Variants in SAFB2 observed in about 807,000 individuals in gnomAD.
The protein encoded by SAFB2 is scaffold attachment factor B2.
SAFB2 carries 32 observed loss-of-function variants against 100.6 expected under a neutral mutation model. That is an observed-to-expected ratio of 0.32 (90% confidence interval 0.24 to 0.43). The LOEUF is 0.43. SAFB2 is among the 20% of genes least tolerant of loss of function. The pLI, the probability that SAFB2 is intolerant of heterozygous loss-of-function variation, is 1.00. For missense variants in SAFB2, 1,185 were observed against 1,163.4 expected, an observed-to-expected ratio of 1.02 and a Z score of -0.27; for synonymous variants, 500 against 439.4, an observed-to-expected ratio of 1.14 and a Z score of -1.72.
At chr19:5,591,926 G>C (rs374933843) in intron 16 of SAFB2, 133 bp from the exon 17 acceptor site, 5 of 823,266 alleles carry the variant, frequency 6.1e-6, no homozygotes, top group Admixed American at 4.8e-5. Context: ...GGGAAAAAAG[G>C]AAAAAGCTAG....
intron 2 of SAFB2, among the ~76,000 whole-genome samples, chr19:5,616,902 G>C (rs911569676): frequency 2.6e-5 from 4 of 151,868 alleles, no homozygotes; most frequent in African/African-American, 9.7e-5. Context: ...CACCAGCCTC[G>C]GTCTCCCAAA....
intron 11 of SAFB2, among the ~76,000 whole-genome samples, chr19:5,602,530 G>C (rs796077317): frequency 4.7e-5 from 6 of 128,512 alleles, no homozygotes; most frequent in African/African-American, 1.8e-4. Context: ...ACCCAGTTAA[G>C]AGCCATGGGG....
At chr19:5,612,717 T>A (rs918511878) in intron 5 of SAFB2, 150 bp from the exon 6 acceptor site, 8 of 654,128 alleles carry the variant, frequency 1.2e-5, no homozygotes, top group Non-Finnish European at 1.9e-5. Context: ...CATCCTACAA[T>A]AACCTGATGA....
Position 5,599,456 on chromosome 19 carries a change from G to A in SAFB2, c.1691-572C>T, listed in dbSNP as rs140125624. 8.8e-4 allele frequency among the ~76,000 whole-genome samples: 134 copies of A among 152,294 alleles called. 1 individual carries two copies. The highest frequency in any genetic ancestry group is 1.4e-3 in the Non-Finnish European group (98 of 68,026). On this transcript the variant is annotated intron_variant, in intron 12 of 20. Coordinates refer to ENST00000252542, the MANE Select transcript of SAFB2 (RefSeq NM_014649.3). The stretch of plus-strand genomic sequence containing the variant: ...TACTTGAGGAACATTTTAAAAACAC[G>A]TTCCTCGTGAGACTCAGGGTAAATT...
chr19:5,619,853 A>G (rs1054851295), intron 2 of SAFB2, among the ~76,000 whole-genome samples: 3 of 152,154 alleles, frequency 2.0e-5, no homozygotes, highest in Non-Finnish European at 4.4e-5. Context: ...CGCAAAAAAA[A>G]AAAAAAAATC....
intron 1 of SAFB2, 76 bp downstream of exon 1, chr19:5,622,454 G>A: frequency 2.9e-6 from 4 of 1,394,060 alleles, no homozygotes; most frequent in South Asian, 1.5e-5. Context: ...CCCCGGGTCC[G>A]GGAGCCGCGG....
intron 11 of SAFB2, among the ~76,000 whole-genome samples, chr19:5,602,726 G>C (rs2052689467): frequency 6.6e-6 from 1 of 152,052 alleles, no homozygotes; most frequent in Non-Finnish European, 1.5e-5. Flanking sequence ...CATACTGTTA[G>C]CTAATTATTA....
At chr19:5,611,699 G>C (rs2052910711) in intron 6 of SAFB2, 69 bp from the exon 7 acceptor site, 1 of 381,936 alleles carries the variant, frequency 2.6e-6, no homozygotes, top group African/African-American at 2.3e-5. Flanking sequence ...TCACAAATGT[G>C]GAACTGGCAC....
chr19:5,588,557 C>T (rs1234664941), intron 18 of SAFB2, among the ~76,000 whole-genome samples: 2 of 152,170 alleles, frequency 1.3e-5, no homozygotes, highest in Non-Finnish European at 2.9e-5. Flanking sequence ...TCAGCCCTAA[C>T]TAGGAAGGAA....
intron 4 of SAFB2, among the ~76,000 whole-genome samples, chr19:5,615,165 C>T (rs1318415984): frequency 3.3e-5 from 5 of 152,010 alleles, no homozygotes; most frequent in Non-Finnish European, 7.4e-5. Flanking sequence ...CCATCATGGC[C>T]AACATGGTGA....
rs558923677 is a variant in SAFB2, at chr19:5,607,498, G to A, written c.1296+2497C>T. ...CCCTTGCAGACAGACTGTAAGGGAA[G>A]ATGTGTACTGTAATCCTACAGTAAA... On this transcript the variant is annotated intron_variant, in intron 9 of 20. Coordinates refer to ENST00000252542, the MANE Select transcript of SAFB2 (RefSeq NM_014649.3). Among the ~76,000 whole-genome samples the A allele has an allele frequency of 1.2e-4, 19 of 152,296 alleles. No individual in the cohort carries two copies. The South Asian group carries it at 3.7e-3, about 30-fold the overall frequency.
chr19:5,587,277 G>C lies in SAFB2; in HGVS notation c.2828C>G (p.Pro943Arg), dbSNP rs56708650. 6.2e-7 allele frequency: 1 copy of C among 1,613,334 alleles called. No individual in the cohort carries two copies. Among genetic ancestry groups the C allele is most frequent in the Non-Finnish European group, 8.5e-7 (1 of 1,179,794 alleles). Reference sequence around the variant, plus strand: ...GCGGGTGAAGTGGGGGTACGGGGGGGGATGAGGGTGTGGGTGAGGGACTCT... The same window carrying C: ...GCGGGTGAAGTGGGGGTACGGGGGGCGATGAGGGTGTGGGTGAGGGACTCT... ...GSRVPHPHPH[P>R]PPYPHFTRRY The change falls in exon 21 of 21, where the codon CCC becomes CGC. Residue 943 changes from proline to arginine, a missense_variant. By Grantham distance (103) the Pro-to-Arg change is moderately radical (BLOSUM62 -2). Transcript: ENST00000252542. This position sits in a 1 kb window ranked among gnomAD's most constrained non-coding sequence, Gnocchi z 4.9.
Position 5,604,850 on chromosome 19 carries a change from C to T in SAFB2, c.1383G>A (p.Ala461=), listed in dbSNP as rs1440623483. The change falls in exon 10 of 21, where the codon GCG becomes GCA. Residue 461 remains alanine (A), a synonymous_variant. Transcript: ENST00000252542. ...GFVTMSTSDE[A]TKCISHLHRT... ...TGTGGAGATGGCTGATGCACTTGGTCGCCTCGTCAGATGTCGACATGGTGA... is the reference window on the plus strand; with the variant it reads ...TGTGGAGATGGCTGATGCACTTGGTTGCCTCGTCAGATGTCGACATGGTGA... The T allele has an allele frequency of 2.5e-6, 4 of 1,614,106 alleles. No individual in the cohort carries two copies. The highest frequency in any genetic ancestry group is 1.1e-5 in the South Asian group (1 of 91,064).
At chr19:5,615,288 G>A (rs1372190154) in intron 4 of SAFB2, among the ~76,000 whole-genome samples, 3 of 152,114 alleles carry the variant, frequency 2.0e-5, no homozygotes, top group Admixed American at 6.5e-5. Context: ...CAGGGAGGCG[G>A]AGGTTGCAGT....
Position 5,599,155 on chromosome 19 carries a change from C to T in SAFB2, c.1691-271G>A, listed in dbSNP as rs73920026. ...ACCTGCAGCACGCACACAAGCACGG[C>T]CATCCTGCAGAGCCCTCCGTGACCC... On this transcript the variant is annotated intron_variant, in intron 12 of 20. Transcript: ENST00000252542. Among the ~76,000 whole-genome samples the T allele has an allele frequency of 5.6e-3, 854 of 152,274 alleles. 7 individuals are homozygous for T. Among genetic ancestry groups the T allele is most frequent in the African/African-American group, 0.019 (798 of 41,542 alleles).
At chr19:5,601,486 G>A (rs976095266) in intron 11 of SAFB2, among the ~76,000 whole-genome samples, 5 of 152,098 alleles carry the variant, frequency 3.3e-5, no homozygotes, top group African/African-American at 9.7e-5. Flanking sequence ...CAAGGTAGGC[G>A]GATCACAAGG....
intron 12 of SAFB2, 83 bp downstream of exon 12, chr19:5,600,047 C>A: frequency 7.1e-7 from 1 of 1,416,644 alleles, no homozygotes; most frequent in Non-Finnish European, 9.6e-7. Context: ...CCAGAGCTTG[C>A]TGTCCTCACC....
In SAFB2 at chr19:5,587,642, A is replaced by T; in HGVS notation, c.2705+59T>A. On this transcript the variant is annotated intron_variant, in intron 20 of 20. Transcript: ENST00000252542. The surrounding 1 kb of genome is among the most constrained non-coding windows in gnomAD (Gnocchi z 4.9). The stretch of plus-strand genomic sequence containing the variant: ...AGCCAGCTGATCAAACATGCAAAAA[A>T]GGGAGAGGAAGTGAGGAGCAGGAGT... 1 of 1,491,660 alleles carries T rather than the reference A, an allele frequency of 6.7e-7. No individual in the cohort carries two copies. The highest frequency in any genetic ancestry group is 1.4e-5 in the African/African-American group (1 of 70,570). The allele number at this position is 1,491,660 out of a possible 1,614,324, so 92.4% of individuals were successfully genotyped here. A position where few individuals can be genotyped will look rare whatever the true frequency, so the allele number is the denominator to read the frequency against.
In SAFB2 at chr19:5,587,998, G is replaced by C; in HGVS notation, c.2526-18C>G. 3 of 1,603,690 alleles carry C rather than the reference G, an allele frequency of 1.9e-6. No individual in the cohort carries two copies. The highest frequency in any genetic ancestry group is 2.6e-6 in the Non-Finnish European group (3 of 1,174,858). ...GGCCACCCCTTTGCCAAAAGAAAAA[G>C]ACATGCAGCCATCTAATGAGCCTCC... On this transcript the variant is annotated intron_variant, in intron 18 of 20. Coordinates refer to ENST00000252542, the MANE Select transcript of SAFB2 (RefSeq NM_014649.3). The surrounding 1 kb of genome is among the most constrained non-coding windows in gnomAD (Gnocchi z 4.9).
Sources: allele counts gnomAD v4.1 joint callset (sites outside exome capture counted in the v4.1 genomes callset), GRCh38; gene constraint gnomAD v4.1.1; non-coding constraint Gnocchi (gnomAD v3.1); transcripts MANE v1.5; gene names NCBI Gene and HGNC (gene_info 2026-07-23, HGNC 2026-07-21).